The following BASP1 variants were observed in gnomAD, a reference collection of about 807,000 sequenced individuals.
BASP1 encodes the protein brain abundant membrane attached signal protein 1.
Under a neutral mutation model 2.2 loss-of-function variants are expected in BASP1, and 1 was observed. The ratio of observed to expected loss-of-function variants is 0.46; its 90% CI spans 0.16 to 2.17. The LOEUF (loss-of-function observed/expected upper bound fraction) is 2.17, where lower values mean the gene tolerates loss of function less well. Among genes scored for constraint, BASP1 ranks in the 30% most tolerant of loss-of-function variants. The pLI is 0.27. For synonymous variants in BASP1, 187 were observed against 154.2 expected (o/e 1.21, Z -1.58); for missense variants, 352 against 327.2 (o/e 1.08, Z -0.58).
At chr5:17,267,474 A>C in intron 1 of BASP1, among the ~76,000 whole-genome samples, 1 of 152,138 alleles carries the variant, frequency 6.6e-6, no homozygotes, top group East Asian at 1.9e-4. Context: ...TGCTTTAATA[A>C]ATATTTGGAT....
chr5:17,245,270 C>G (rs1664917803), intron 1 of BASP1, among the ~76,000 whole-genome samples: 1 of 146,554 alleles, frequency 6.8e-6, no homozygotes, highest in Non-Finnish European at 1.5e-5. Flanking sequence ...CCATTACACT[C>G]TAGCCTGGGC....
intron 1 of BASP1, among the ~76,000 whole-genome samples, chr5:17,235,183 A>G (rs184061015): frequency 1.7e-3 from 253 of 151,996 alleles, no homozygotes; most frequent in African/African-American, 5.7e-3. Flanking sequence ...CTCACCTGAC[A>G]GGCTAACTGC....
Position 17,260,279 on chromosome 5 carries a change from C to G in BASP1, c.-9-14929C>G, listed in dbSNP as rs1265476729. Among the ~76,000 whole-genome samples the G allele has an allele frequency of 6.6e-6, 1 of 152,092 alleles. No homozygotes were observed. Among genetic ancestry groups the G allele is most frequent in the African/African-American group, 2.4e-5 (1 of 41,356 alleles). On this transcript the variant is annotated intron_variant, in intron 1 of 1. Transcript: ENST00000322611. The surrounding 1 kb of genome is among the most constrained non-coding windows in gnomAD (Gnocchi z 4.2). ...CCTTCTGCATTAGTGTCTATACAGT[C>G]AACCTTTACATTCAAGGAGAAGCTT... is the stretch of plus-strand genomic sequence containing the variant.
chr5:17,218,848 A>T (rs1393827393), intron 1 of BASP1, among the ~76,000 whole-genome samples: 1 of 151,010 alleles, frequency 6.6e-6, no homozygotes, highest in African/African-American at 2.4e-5. Context: ...ATGAATATTC[A>T]TCGAACGCTT....
At chr5:17,218,014 C>T (rs1393984719) in intron 1 of BASP1, among the ~76,000 whole-genome samples, 2 of 151,658 alleles carry the variant, frequency 1.3e-5, no homozygotes, top group South Asian at 4.2e-4. Context: ...GATGGGGGGC[C>T]CAGAAGTGGG....
intron 1 of BASP1, among the ~76,000 whole-genome samples, chr5:17,229,783 GGT>G (rs1491472810): frequency 1.7e-5 from 2 of 116,048 alleles, no homozygotes; most frequent in African/African-American, 3.9e-5. Context: ...GGTAGGATTG[GGT>G]TTTTTTTTTT....
intron 1 of BASP1, among the ~76,000 whole-genome samples, chr5:17,235,486 T>C (rs1458884581): frequency 6.6e-6 from 1 of 152,068 alleles, no homozygotes; most frequent in East Asian, 1.9e-4. Flanking sequence ...ATGGTCTCGA[T>C]CTCATGACCT....
chr5:17,254,422 T>C (rs1481338650), intron 1 of BASP1, among the ~76,000 whole-genome samples: 1 of 152,174 alleles, frequency 6.6e-6, no homozygotes, highest in Non-Finnish European at 1.5e-5. Flanking sequence ...CAATCAAGAT[T>C]CCATAATTCC....
At chr5:17,262,548 T>C (rs1468231655) in intron 1 of BASP1, among the ~76,000 whole-genome samples, 1 of 152,220 alleles carries the variant, frequency 6.6e-6, no homozygotes, top group African/African-American at 2.4e-5. Context: ...TGAGTTGATA[T>C]GTGTAAAGAT....
At chr5:17,224,338 T>TA (rs2126487923) in intron 1 of BASP1, among the ~76,000 whole-genome samples, 1 of 151,308 alleles carries the variant, frequency 6.6e-6, no homozygotes, top group Admixed American at 6.6e-5. Flanking sequence ...GGATTTTAGA[T>TA]ATAGTGGTTA....
intron 1 of BASP1, among the ~76,000 whole-genome samples, chr5:17,221,534 A>G (rs895402996): frequency 3.3e-5 from 5 of 152,072 alleles, no homozygotes; most frequent in African/African-American, 1.2e-4. Flanking sequence ...TTCTCTTCTT[A>G]ATGATGGTCT....
intron 1 of BASP1, among the ~76,000 whole-genome samples, chr5:17,262,685 TG>T (rs1740339119): frequency 6.6e-6 from 1 of 152,250 alleles, no homozygotes; most frequent in South Asian, 2.1e-4. Flanking sequence ...TCTCTTCTGG[TG>T]AAACTATTGC....
intron 1 of BASP1, among the ~76,000 whole-genome samples, chr5:17,272,250 C>T (rs989530845): frequency 6.6e-6 from 1 of 151,966 alleles, no homozygotes; most frequent in Non-Finnish European, 1.5e-5. Context: ...TCTGAACTAC[C>T]CCAGGTGGCA....
intron 1 of BASP1, among the ~76,000 whole-genome samples, chr5:17,218,658 C>T (rs1029291773): frequency 6.6e-6 from 1 of 152,082 alleles, no homozygotes; most frequent in African/African-American, 2.4e-5. Flanking sequence ...TGGGCTCAGC[C>T]CCGCTGGGAG....
chr5:17,239,720 T>A (rs1173773212), intron 1 of BASP1, among the ~76,000 whole-genome samples: 2 of 152,230 alleles, frequency 1.3e-5, no homozygotes, highest in African/African-American at 4.8e-5. Context: ...TATTTGCATG[T>A]GATACTGCCC....
At chr5:17,266,834 A>G (rs2126518059) in intron 1 of BASP1, among the ~76,000 whole-genome samples, 1 of 140,110 alleles carries the variant, frequency 7.1e-6, no homozygotes, top group East Asian at 2.2e-4. Flanking sequence ...AAAAAAAAAA[A>G]AAAAATCTGA....
chr5:17,276,464 G>A lies in BASP1; in HGVS notation c.*564G>A, dbSNP rs949796056. 6.0e-6 allele frequency: 1 copy of A among 166,866 alleles called. No individual in the cohort carries two copies. Among genetic ancestry groups the A allele is most frequent in the Non-Finnish European group, 1.5e-5 (1 of 68,088 alleles). 10.3% of individuals were successfully genotyped at this position (166,866 alleles called of 1,614,324 possible). A position where few individuals can be genotyped will look rare whatever the true frequency, so the allele number is the denominator to read the frequency against. ...CCAGCTTTCAGACAGAGCCCACTTAGCTTGTCCACATGGATCTCAATGCCA... is the reference window on the plus strand; with the variant it reads ...CCAGCTTTCAGACAGAGCCCACTTAACTTGTCCACATGGATCTCAATGCCA... On this transcript the variant is annotated 3_prime_UTR_variant, in exon 2 of 2. Coordinates refer to ENST00000322611, the MANE Select transcript of BASP1 (RefSeq NM_006317.5).
chr5:17,273,986 C>G (rs1353795443), intron 1 of BASP1, among the ~76,000 whole-genome samples: 2 of 152,152 alleles, frequency 1.3e-5, no homozygotes, highest in African/African-American at 2.4e-5. Flanking sequence ...AAAAAATGCA[C>G]CAAGAGTCTG....
At chr5:17,227,403 T>C (rs925341106) in intron 1 of BASP1, among the ~76,000 whole-genome samples, 4 of 148,894 alleles carry the variant, frequency 2.7e-5, no homozygotes, top group African/African-American at 5.0e-5. Flanking sequence ...TATATATATA[T>C]ATATACAATA....
Sources: allele counts gnomAD v4.1 joint callset (sites outside exome capture counted in the v4.1 genomes callset), GRCh38; gene constraint gnomAD v4.1.1; non-coding constraint Gnocchi (gnomAD v3.1); transcripts MANE v1.5; gene names NCBI Gene and HGNC (gene_info 2026-07-23, HGNC 2026-07-21).